GALNT18: variants seen among roughly 807,000 people sequenced by gnomAD.
GALNT18 encodes GalNAc-transferase 18.
Under a neutral mutation model 69.5 loss-of-function variants are expected in GALNT18, and 44 were observed. The ratio of observed to expected loss-of-function variants is 0.63; its 90% CI spans 0.50 to 0.81. The LOEUF is 0.81. Among genes scored for constraint, GALNT18 ranks in the 40% least tolerant of loss-of-function variants. GALNT18 has a pLI of 0.00. For synonymous variants in GALNT18, 364 were observed against 318.2 expected (o/e 1.14, Z -1.53); for missense variants, 715 against 810.0 (o/e 0.88, Z 1.42).
intron 3 of GALNT18, among the ~76,000 whole-genome samples, chr11:11,420,696 T>G (rs955563315): frequency 2.0e-5 from 3 of 152,210 alleles, no homozygotes; most frequent in Non-Finnish European, 4.4e-5. Context: ...AAAGATAGGC[T>G]GGGTGCCAAG....
intron 6 of GALNT18, chr11:11,352,142 AGTG>A (rs1850421641): frequency 9.3e-6 from 15 of 1,613,046 alleles, no homozygotes; most frequent in Non-Finnish European, 1.2e-5. Context: ...CCTTCACAAC[AGTG>A]TAGAAATAGG....
chr11:11,614,526 C>T lies in GALNT18; in HGVS notation c.235+6833G>A, dbSNP rs1029213823. 6.6e-6 allele frequency among the ~76,000 whole-genome samples: 1 copy of T among 152,172 alleles called. No individual in the cohort carries two copies. The highest frequency in any genetic ancestry group is 2.4e-5 in the African/African-American group (1 of 41,444). ...ACCTCCCACTAGGCCCCACCTCAAA[C>T]ACTGGGGACCACATTTCAACATGAG... On this transcript the variant is annotated intron_variant, in intron 1 of 10. Transcript: ENST00000227756. This position sits in a 1 kb window ranked among gnomAD's most constrained non-coding sequence, Gnocchi z 5.6.
rs1424010368 is a variant in GALNT18, at chr11:11,470,268, AG to A, written c.236-21333del. Among the ~76,000 whole-genome samples the A allele has an allele frequency of 1.3e-5, 2 of 152,214 alleles. No homozygotes were observed. Among genetic ancestry groups the A allele is most frequent in the African/African-American group, 2.4e-5 (1 of 41,450 alleles). On this transcript the variant is annotated intron_variant, in intron 1 of 10. Transcript: ENST00000227756. The surrounding 1 kb of genome is among the most constrained non-coding windows in gnomAD (Gnocchi z 4.8). ...CCAGGTCTTCAGTCCTCAGGCCCTA[AG>A]GTTAAGACCCAGGCACCAAGGGACA...
chr11:11,430,007 G>A lies in GALNT18; in HGVS notation c.595+2614C>T, dbSNP rs948755096. Among the ~76,000 whole-genome samples the A allele has an allele frequency of 6.6e-6, 1 of 152,018 alleles. No homozygotes were observed. The highest frequency in any genetic ancestry group is 1.5e-5 in the Non-Finnish European group (1 of 68,024). On this transcript the variant is annotated intron_variant, in intron 3 of 10. Coordinates refer to ENST00000227756, the MANE Select transcript of GALNT18 (RefSeq NM_198516.3). This position sits in a 1 kb window ranked among gnomAD's most constrained non-coding sequence, Gnocchi z 4.9. Reference sequence around the variant, plus strand: ...TTACAAAACATTAGCCCGGCATGGTGGATGCACCTGTCGTCCCAGCTACTC... The same window carrying A: ...TTACAAAACATTAGCCCGGCATGGTAGATGCACCTGTCGTCCCAGCTACTC...
At chr11:11,440,442 G>A (rs916415939) in intron 2 of GALNT18, among the ~76,000 whole-genome samples, 3 of 152,188 alleles carry the variant, frequency 2.0e-5, no homozygotes, top group African/African-American at 7.2e-5. Context: ...GTGGGGCAGG[G>A]CAGATCTGCT....
chr11:11,525,876 C>T lies in GALNT18; in HGVS notation c.236-76940G>A, dbSNP rs1443164073. 8.5e-5 allele frequency among the ~76,000 whole-genome samples: 13 copies of T among 152,080 alleles called. No homozygotes were observed. The East Asian group carries it at 1.2e-3, about 14-fold the overall frequency. ...CTCGAACTCCCAACCTCAGGTGATC[C>T]GCCCGCCTCAGTCTCCTAAAGTGCT... On this transcript the variant is annotated intron_variant, in intron 1 of 10. Transcript: ENST00000227756.
chr11:11,557,087 A>C (rs1030004540), intron 1 of GALNT18, among the ~76,000 whole-genome samples: 6 of 152,186 alleles, frequency 3.9e-5, no homozygotes, highest in Non-Finnish European at 1.5e-5. Flanking sequence ...GGATGGCCCT[A>C]TGAGGTTTCT....
At chr11:11,549,529 C>T (rs747336442) in intron 1 of GALNT18, among the ~76,000 whole-genome samples, 24 of 152,190 alleles carry the variant, frequency 1.6e-4, no homozygotes, top group Non-Finnish European at 2.8e-4. Context: ...GGCCCCAGTC[C>T]TTCATAAGAA....
At chr11:11,533,931 G>A (rs1464363865) in intron 1 of GALNT18, among the ~76,000 whole-genome samples, 1 of 152,248 alleles carries the variant, frequency 6.6e-6, no homozygotes, top group Non-Finnish European at 1.5e-5. Context: ...GGCTGGGTCT[G>A]TCATGTACCC....
intron 10 of GALNT18, among the ~76,000 whole-genome samples, chr11:11,288,509 T>C (rs1194239068): frequency 6.6e-6 from 1 of 152,198 alleles, no homozygotes; most frequent in African/African-American, 2.4e-5. Flanking sequence ...TTCGGTTCCA[T>C]TGTGTTTACA....
At chr11:11,485,274 T>C (rs967326969) in intron 1 of GALNT18, among the ~76,000 whole-genome samples, 1 of 152,190 alleles carries the variant, frequency 6.6e-6, no homozygotes, top group South Asian at 2.1e-4. Flanking sequence ...CTGCCTCCAC[T>C]TCAGATGCTG....
intron 10 of GALNT18, among the ~76,000 whole-genome samples, chr11:11,275,049 G>T (rs1002272689): frequency 2.0e-4 from 31 of 152,284 alleles, no homozygotes; most frequent in African/African-American, 7.2e-4. Context: ...TGATACTTTG[G>T]GTACATACCC....
intron 6 of GALNT18, among the ~76,000 whole-genome samples, chr11:11,349,927 G>C (rs925474068): frequency 1.3e-5 from 2 of 148,558 alleles, no homozygotes; most frequent in Non-Finnish European, 3.0e-5. Context: ...GTGTGGAATT[G>C]CTGCTTGGAA....
chr11:11,319,285 C>A (rs923340792), intron 9 of GALNT18, among the ~76,000 whole-genome samples: 3 of 152,180 alleles, frequency 2.0e-5, no homozygotes, highest in Non-Finnish European at 4.4e-5. Flanking sequence ...AATGTTGCCC[C>A]ATATGCAATG....
chr11:11,370,062 C>G (rs1367744515), intron 6 of GALNT18, among the ~76,000 whole-genome samples: 1 of 145,110 alleles, frequency 6.9e-6, no homozygotes, highest in African/African-American at 2.7e-5. Context: ...CCCCTAATTT[C>G]ACAGTATCTT....
At chr11:11,559,626 G>A (rs1303450974) in intron 1 of GALNT18, among the ~76,000 whole-genome samples, 1 of 120,132 alleles carries the variant, frequency 8.3e-6, no homozygotes, top group Non-Finnish European at 1.7e-5. Flanking sequence ...AATAGAATGA[G>A]ACATGATGGG....
chr11:11,338,403 A>G lies in GALNT18; in HGVS notation c.1278+2416T>C, dbSNP rs986846212. 2.0e-5 allele frequency among the ~76,000 whole-genome samples: 3 copies of G among 151,942 alleles called. No individual in the cohort carries two copies. The East Asian group carries it at 5.8e-4, about 29-fold the overall frequency. On this transcript the variant is annotated intron_variant, in intron 7 of 10. Transcript: ENST00000227756. This position sits in a 1 kb window ranked among gnomAD's most constrained non-coding sequence, Gnocchi z 5.3. ...AAACCAGCTGAAGCTTGTGGCAGAG[A>G]AAAAAACAGGGCCTGAATGCAGACA...
In GALNT18 at chr11:11,318,820, T is replaced by A. The variant is rs1338543464; in HGVS notation, c.1512+8266A>T. On this transcript the variant is annotated intron_variant, in intron 9 of 10. Transcript: ENST00000227756. The surrounding 1 kb of genome is among the most constrained non-coding windows in gnomAD (Gnocchi z 5.1). ...TCCTTTTAATATTATCCTGGGACAT[T>A]AACGGGCCCATCCAAGAGTATGTAA... 6.6e-6 allele frequency among the ~76,000 whole-genome samples: 1 copy of A among 152,178 alleles called. No individual in the cohort carries two copies. The highest frequency in any genetic ancestry group is 1.5e-5 in the Non-Finnish European group (1 of 68,030).
intron 1 of GALNT18, among the ~76,000 whole-genome samples, chr11:11,507,820 C>G (rs866487442): frequency 6.6e-6 from 1 of 152,294 alleles, no homozygotes; most frequent in Middle Eastern, 3.4e-3. Flanking sequence ...CCCATCTAAT[C>G]AGCTGCCAGT....
Sources: allele counts gnomAD v4.1 joint callset (sites outside exome capture counted in the v4.1 genomes callset), GRCh38; gene constraint gnomAD v4.1.1; non-coding constraint Gnocchi (gnomAD v3.1); transcripts MANE v1.5; gene names NCBI Gene and HGNC (gene_info 2026-07-23, HGNC 2026-07-21).